The following PIEZO1 variants were observed in gnomAD, a reference collection of about 807,000 sequenced individuals.
PIEZO1 encodes the protein piezo-type mechanosensitive ion channel component 1.
PIEZO1 carries 296 observed loss-of-function variants against 297.2 expected under a neutral mutation model. That is an observed-to-expected ratio of 1.00 (90% CI 0.91 to 1.10). The LOEUF is 1.10. PIEZO1 is among the 50% of genes least tolerant of loss of function. PIEZO1 has a pLI of 0.00. For synonymous variants in PIEZO1, 2,427 were observed against 1,507.5 expected (o/e 1.61, Z -14.13); for missense variants, 5,018 against 3,455.5 (o/e 1.45, Z -11.34).
chr16:88,734,831 G>A (rs925116638), intron 14 of PIEZO1, 33 bp from the exon 15 acceptor site: 12 of 1,550,012 alleles, frequency 7.7e-6, no homozygotes, highest in South Asian at 3.6e-5. Flanking sequence ...TGAGGACCGC[G>A]GGGAGGGTCC....
chr16:88,725,387 C>A, intron 29 of PIEZO1, 29 bp downstream of exon 29: 1 of 1,306,086 alleles, frequency 7.7e-7, no homozygotes, highest in South Asian at 1.5e-5. Flanking sequence ...GACACGGGGC[C>A]CTGGGTGCCC....
chr16:88,726,342 T>TA lies in PIEZO1; in HGVS notation c.3909dup (p.Ser1304Ter). 6.4e-7 allele frequency: 1 copy of TA among 1,550,430 alleles called. No individual in the cohort carries two copies. The highest frequency in any genetic ancestry group is 1.2e-5 in the South Asian group (1 of 84,064). On this transcript the variant is annotated frameshift_variant, in exon 27 of 51. Transcript: ENST00000301015. LOFTEE classifies it high-confidence loss of function. ...GCCCTGACGTGCAGGTAGTAATGGC[T>TA]AAGGAAGACGCGGCGCTGCAGCAGC... is the stretch of plus-strand genomic sequence containing the variant.
rs187246930 is a variant in PIEZO1 at position 88,756,365 on chromosome 16, G to A, written c.65-6886C>T. ...CGGGACTCTGGACCCCACAATGGCC[G>A]CACTGGCCACTGATGGGGCGGGGTG... On this transcript the variant is annotated intron_variant, in intron 1 of 50. Coordinates refer to ENST00000301015, the MANE Select transcript of PIEZO1 (RefSeq NM_001142864.4). Among the ~76,000 whole-genome samples the A allele has an allele frequency of 3.5e-3, 535 of 152,266 alleles. 5 individuals carry two copies. Among genetic ancestry groups the A allele is most frequent in the African/African-American group, 0.011 (455 of 41,560 alleles).
intron 27 of PIEZO1, 71 bp downstream of exon 27, chr16:88,726,213 T>G: frequency 7.5e-7 from 1 of 1,326,434 alleles, no homozygotes; most frequent in Admixed American, 2.3e-5. Flanking sequence ...CCTGAGACAG[T>G]GAGGAACCTC....
At chr16:88,722,458 G>C (rs754947292) in intron 35 of PIEZO1, 61 bp from the exon 36 acceptor site, 3 of 1,454,394 alleles carry the variant, frequency 2.1e-6, no homozygotes, top group South Asian at 1.4e-5. Flanking sequence ...AGGCTACAGG[G>C]AGGGTCAGGG....
At chr16:88,744,652 TCC>T (rs1228854096) in intron 2 of PIEZO1, among the ~76,000 whole-genome samples, 1 of 149,500 alleles carries the variant, frequency 6.7e-6, no homozygotes, top group African/African-American at 2.5e-5. Flanking sequence ...TCTTCCTCCC[TCC>T]CCTTTCCCTG....
rs762178515 is a variant in PIEZO1 at position 88,726,878 on chromosome 16, G to A, written c.3536C>T (p.Ala1179Val). Residue 1179 changes from alanine to valine, a missense_variant, in exon 25 of 51, where the codon GCC becomes GTC. Transcript: ENST00000301015. The stretch of plus-strand genomic sequence containing the variant: ...CAGCCCGAAGATGCTGATGCGGGTG[G>A]CCCCCGTGACAAACACCACCACCAG... Reference protein sequence around the residue: ...LVLVVVFVTGATRISIFGLGY... With the variant: ...LVLVVVFVTGVTRISIFGLGY... 1 of 1,550,348 alleles carries A rather than the reference G, an allele frequency of 6.5e-7. No homozygotes were observed. The highest frequency in any genetic ancestry group is 1.2e-5 in the South Asian group (1 of 84,052).
chr16:88,760,185 G>C (rs555323266), intron 1 of PIEZO1, among the ~76,000 whole-genome samples: 1 of 151,730 alleles, frequency 6.6e-6, no homozygotes, highest in Non-Finnish European at 1.5e-5. Context: ...CAGTGACCCC[G>C]GCCGTGGCTA....
intron 1 of PIEZO1, among the ~76,000 whole-genome samples, chr16:88,763,927 A>T (rs1046372931): frequency 2.0e-5 from 3 of 152,222 alleles, no homozygotes; most frequent in Non-Finnish European, 4.4e-5. Flanking sequence ...ACACCTGTAC[A>T]CCTGCACACA....
chr16:88,767,206 G>A (rs530421908), intron 1 of PIEZO1, among the ~76,000 whole-genome samples: 1 of 152,268 alleles, frequency 6.6e-6, no homozygotes, highest in East Asian at 1.9e-4. Flanking sequence ...TGAGTCTCGG[G>A]ACATCCTTAC....
intron 1 of PIEZO1, among the ~76,000 whole-genome samples, chr16:88,777,846 C>T (rs1419536469): frequency 6.6e-6 from 1 of 152,038 alleles, no homozygotes; most frequent in African/African-American, 2.4e-5. Flanking sequence ...CAGCCCCAAA[C>T]CCACGCCTGT....
chr16:88,768,799 G>A (rs1025233700), intron 1 of PIEZO1, among the ~76,000 whole-genome samples: 2 of 152,242 alleles, frequency 1.3e-5, no homozygotes, highest in African/African-American at 4.8e-5. Context: ...GGTGGGGGCG[G>A]TGCCCACAAT....
intron 2 of PIEZO1, among the ~76,000 whole-genome samples, chr16:88,747,540 T>C (rs945154699): frequency 1.1e-4 from 17 of 152,014 alleles, no homozygotes; most frequent in African/African-American, 2.2e-4. Flanking sequence ...AAAAAGACCA[T>C]TGCCCACCCC....
rs770017075 is a variant in PIEZO1 at position 88,717,045 on chromosome 16, G to T, written c.6638C>A (p.Thr2213Asn). Residue 2213 changes from threonine (T) to asparagine (N), a missense_variant, in exon 45 of 51, where the codon ACC becomes AAC. By Grantham distance (65) the Thr-to-Asn change is moderately conservative. Transcript: ENST00000301015. ...VVNQPIDVTV[T>N]LKLGGYEPLF... is the part of the protein sequence containing the mutation. The stretch of plus-strand genomic sequence containing the variant: ...CACCTCATAGCCGCCCAGCTTCAGG[G>T]TGACGGTGACATCGATGGGCTGGTT... 1 of 1,550,756 alleles carries T rather than the reference G, an allele frequency of 6.4e-7. No homozygotes were observed. Among genetic ancestry groups the T allele is most frequent in the East Asian group, 2.4e-5 (1 of 40,930 alleles).
chr16:88,728,021 G>A (rs749980251), intron 22 of PIEZO1, among the ~76,000 whole-genome samples: 2 of 152,246 alleles, frequency 1.3e-5, no homozygotes, highest in Non-Finnish European at 2.9e-5. Flanking sequence ...GACGCCTGCA[G>A]CCAGGAAAAG....
intron 10 of PIEZO1, 137 bp downstream of exon 10, chr16:88,737,422 T>G: frequency 1.6e-6 from 1 of 614,110 alleles, no homozygotes; most frequent in Non-Finnish European, 2.8e-6. Context: ...GACCCGTGGA[T>G]GTCCTGGGCC....
chr16:88,738,734 A>G lies in PIEZO1; in HGVS notation c.468T>C (p.Asp156=), dbSNP rs1252615240. ...TGGCATCCACATCCCTCTCATCATC[A>G]TCCTGCCAAGGTCACGGACAGGGGC... ...TRQSPHPREL[D]DDERDVDASP... The change falls in exon 6 of 51, where the codon GAT becomes GAC. Residue 156 remains aspartate, a splice_region_variant and synonymous_variant. Coordinates refer to ENST00000301015, the MANE Select transcript of PIEZO1 (RefSeq NM_001142864.4). The G allele has an allele frequency of 6.5e-7, 1 of 1,528,578 alleles. No homozygotes were observed. The highest frequency in any genetic ancestry group is 1.2e-5 in the South Asian group (1 of 83,866). 94.7% of individuals were successfully genotyped at this position (1,528,578 alleles called of 1,614,324 possible).
intron 1 of PIEZO1, among the ~76,000 whole-genome samples, chr16:88,782,001 G>T (rs1050441657): frequency 7.9e-5 from 12 of 152,266 alleles, no homozygotes; most frequent in Admixed American, 7.8e-4. Context: ...CACAGTCAGT[G>T]ACACGGTGGC....
At chr16:88,757,290 G>A (rs1906710866) in intron 1 of PIEZO1, among the ~76,000 whole-genome samples, 1 of 142,182 alleles carries the variant, frequency 7.0e-6, no homozygotes, top group Admixed American at 7.2e-5. Context: ...ACCTGGTGCA[G>A]GCCCTGGGTA....
Sources: gnomAD v4.1 joint callset for allele counts (sites outside exome capture counted in the v4.1 genomes callset) on GRCh38, gnomAD v4.1.1 for gene constraint, MANE v1.5 for transcripts, NCBI Gene and HGNC (gene_info 2026-07-23, HGNC 2026-07-21) for gene names.